Variants in HECW1 observed in about 807,000 individuals in gnomAD.
HECW1 encodes HECT, C2 and WW domain containing E3 ubiquitin protein ligase 1.
In HECW1, 61 loss-of-function variants were observed where a neutral mutation model predicts 182.3. The ratio of observed to expected loss-of-function variants is 0.33; its 90% CI spans 0.27 to 0.41. The LOEUF is 0.41. HECW1 is among the 10% of genes least tolerant of loss of function. HECW1 has a pLI of 1.00. For missense variants in HECW1, 1,739 were observed against 2,108.9 expected (o/e 0.82, Z 3.44); for synonymous variants, 859 against 832.6 (o/e 1.03, Z -0.55).
intron 3 of HECW1, among the ~76,000 whole-genome samples, chr7:43,303,333 A>T: frequency 9.9e-6 from 1 of 100,810 alleles, no homozygotes; most frequent in Non-Finnish European, 2.0e-5. Flanking sequence ...AGACCACCCC[A>T]CCCCCCGCCC....
chr7:43,550,412 A>G, intron 26 of HECW1, 33 bp from the exon 27 acceptor site: 1 of 1,612,916 alleles, frequency 6.2e-7, no homozygotes, highest in Non-Finnish European at 8.5e-7. Context: ...AGCAGAACTG[A>G]CAAGCATCGC....
intron 1 of HECW1, among the ~76,000 whole-genome samples, chr7:43,113,230 G>T (rs1784773507): frequency 6.6e-6 from 1 of 152,060 alleles, no homozygotes; most frequent in South Asian, 2.1e-4. Context: ...AAGCGGGTTC[G>T]CAGCGCCTCC....
intron 6 of HECW1, among the ~76,000 whole-genome samples, chr7:43,363,798 C>A (rs901761275): frequency 2.0e-5 from 3 of 152,186 alleles, no homozygotes; most frequent in Non-Finnish European, 4.4e-5. Flanking sequence ...CCCAGCACAT[C>A]TGTGGAGAGA....
chr7:43,355,030 GA>G (rs71562093), intron 5 of HECW1, among the ~76,000 whole-genome samples: 111 of 142,528 alleles, frequency 7.8e-4, no homozygotes, highest in Middle Eastern at 3.8e-3. Flanking sequence ...GTGCTGAAAG[GA>G]AAAAAAAAAA....
intron 24 of HECW1, among the ~76,000 whole-genome samples, chr7:43,513,869 T>G (rs2080001325): frequency 6.6e-6 from 1 of 151,830 alleles, no homozygotes; most frequent in South Asian, 2.1e-4. Context: ...GGAGTTAGAG[T>G]CAGAAGAGCT....
chr7:43,292,174 A>G (rs1397013824), intron 3 of HECW1, among the ~76,000 whole-genome samples: 1 of 152,232 alleles, frequency 6.6e-6, no homozygotes, highest in African/African-American at 2.4e-5. Flanking sequence ...TATGCCAAAG[A>G]GGCATATTTT....
chr7:43,557,197 A>G (rs1458836058), intron 29 of HECW1, among the ~76,000 whole-genome samples: 2 of 152,228 alleles, frequency 1.3e-5, no homozygotes, highest in African/African-American at 4.8e-5. Flanking sequence ...AGCCCTGAGC[A>G]GGCAGGAAGC....
chr7:43,239,562 G>A (rs1399462014), intron 2 of HECW1, among the ~76,000 whole-genome samples: 1 of 152,194 alleles, frequency 6.6e-6, no homozygotes, highest in African/African-American at 2.4e-5. Flanking sequence ...GGAATTGTAT[G>A]TCTTTAAATA....
chr7:43,524,290 C>G (rs947238093), intron 24 of HECW1, among the ~76,000 whole-genome samples: 5 of 152,118 alleles, frequency 3.3e-5, no homozygotes, highest in Admixed American at 3.3e-4. Context: ...GAAATCTACC[C>G]CAGGCAGACA....
At chr7:43,324,868 G>A (rs1193054566) in intron 5 of HECW1, among the ~76,000 whole-genome samples, 1 of 151,594 alleles carries the variant, frequency 6.6e-6, no homozygotes, top group Non-Finnish European at 1.5e-5. Flanking sequence ...TTTTCCTTTT[G>A]TTATTTCTTT....
intron 3 of HECW1, among the ~76,000 whole-genome samples, chr7:43,246,954 A>G (rs1175064849): frequency 2.0e-5 from 3 of 152,156 alleles, no homozygotes; most frequent in Non-Finnish European, 4.4e-5. Context: ...ATGTTAGGCC[A>G]AGGCACCCTA....
Position 43,550,473 on chromosome 7 carries a change from G to A in HECW1, c.4277G>A (p.Gly1426Glu). The part of the protein sequence containing the change: ...QVTERELKSG[G>E]ANTQVTEKNK... ...ACGGAAAGGGAGTTGAAGTCTGGAG[G>A]AGCCAACACACAGGTGACGGAGAAA... Residue 1426 changes from glycine to glutamate, a missense_variant, in exon 27 of 30, where the codon GGA (glycine) becomes GAA (glutamate). Around this residue, in one of 5 missense-constraint regions of HECW1, gnomAD observed 420 missense variants for 595.7 expected, o/e 0.71. Coordinates refer to ENST00000395891, the MANE Select transcript of HECW1 (RefSeq NM_015052.5). 1.2e-6 allele frequency: 2 copies of A among 1,614,150 alleles called. No homozygotes were observed. The highest frequency in any genetic ancestry group is 1.7e-6 in the Non-Finnish European group (2 of 1,180,018).
At chr7:43,332,647 G>A (rs948244331) in intron 5 of HECW1, among the ~76,000 whole-genome samples, 5 of 152,162 alleles carry the variant, frequency 3.3e-5, no homozygotes, top group Non-Finnish European at 5.9e-5. Flanking sequence ...AGGCGGCTGC[G>A]GTCACTTCAG....
chr7:43,351,395 A>G (rs1584584644), intron 5 of HECW1, among the ~76,000 whole-genome samples: 2 of 152,278 alleles, frequency 1.3e-5, no homozygotes, highest in African/African-American at 4.8e-5. Context: ...TAGTATGCAG[A>G]GGGACCAGTG....
chr7:43,483,845 A>G (rs983124708), intron 17 of HECW1, among the ~76,000 whole-genome samples: 1 of 151,974 alleles, frequency 6.6e-6, no homozygotes, highest in Non-Finnish European at 1.5e-5. Flanking sequence ...CACCACGCCC[A>G]GCCACAAACT....
chr7:43,466,593 G>A, intron 15 of HECW1, 25 bp downstream of exon 15: 2 of 1,608,026 alleles, frequency 1.2e-6, no homozygotes, highest in Middle Eastern at 1.7e-4. Flanking sequence ...ATGCAGAGGG[G>A]GCGGCCTGGC....
At chr7:43,219,367 CTCTG>C (rs1175369891) in intron 2 of HECW1, among the ~76,000 whole-genome samples, 8 of 152,152 alleles carry the variant, frequency 5.3e-5, no homozygotes, top group African/African-American at 1.9e-4. Flanking sequence ...CCCTTTTCCT[CTCTG>C]TCTGCCTAAA....
chr7:43,243,927 G>A lies in HECW1; in HGVS notation c.22G>A (p.Val8Met). ...CATTATGCTGCTGCACCTGTGTAGT[G>A]TGAAGGTCAGTGTGCTTTTCTGATT... is the stretch of plus-strand genomic sequence containing the variant. Reference protein sequence around the residue: MLLHLCSVKNLYQNRFLG... With the variant: MLLHLCSMKNLYQNRFLG... The change falls in exon 3 of 30, where the codon GTG (valine) becomes ATG (methionine). Residue 8 changes from valine (V) to methionine (M), a missense_variant. This residue lies in a region of HECW1 where 279 missense variants were observed against 353.1 expected (regional missense o/e 0.79). Transcript: ENST00000395891. The surrounding 1 kb of genome is among the most constrained non-coding windows in gnomAD (Gnocchi z 4.0). The A allele has an allele frequency of 6.2e-7, 1 of 1,608,536 alleles. No homozygotes were observed.
At chr7:43,548,458 G>T (rs976034504) in intron 26 of HECW1, among the ~76,000 whole-genome samples, 2 of 152,054 alleles carry the variant, frequency 1.3e-5, no homozygotes, top group Non-Finnish European at 2.9e-5. Flanking sequence ...TTCAAAAGGG[G>T]GTCACCAAGA....
Sources: allele counts gnomAD v4.1 joint callset (sites outside exome capture counted in the v4.1 genomes callset), GRCh38; gene constraint gnomAD v4.1.1; regional missense constraint gnomAD v4.1.1; non-coding constraint Gnocchi (gnomAD v3.1); transcripts MANE v1.5; gene names NCBI Gene and HGNC (gene_info 2026-07-23, HGNC 2026-07-21).